SLC22A23: variants seen among roughly 807,000 people sequenced by gnomAD.
SLC22A23 encodes ion transporter protein.
SLC22A23 carries 26 observed loss-of-function variants against 61.0 expected under a neutral mutation model. The ratio of observed to expected loss-of-function variants is 0.43; its 90% CI spans 0.31 to 0.59. The LOEUF (loss-of-function observed/expected upper bound fraction) is 0.59. SLC22A23 is among the 20% of genes least tolerant of loss of function. The probability of loss-of-function intolerance (pLI) is 0.11; values close to 1 mark genes in which losing one functional copy is unlikely to be tolerated. For missense variants in SLC22A23, 796 were observed against 934.7 expected (o/e 0.85, Z 1.94); for synonymous variants, 430 against 413.9 (o/e 1.04, Z -0.47).
In SLC22A23 at chr6:3,342,486, G is replaced by C. The variant is rs576450178; in HGVS notation, c.914-18484C>G. On this transcript the variant is annotated intron_variant, in intron 3 of 9. Transcript: ENST00000406686. The surrounding 1 kb of genome is among the most constrained non-coding windows in gnomAD (Gnocchi z 4.0). ...CTCTTTCTCTCTCCCAGTCTGCAGA[G>C]GTCCCTGAAAACAGTGCTTCTCAAA... Among the ~76,000 whole-genome samples, 1 of 152,220 alleles carries C rather than the reference G, an allele frequency of 6.6e-6. No individual in the cohort carries two copies. The highest frequency in any genetic ancestry group is 2.1e-4 in the South Asian group (1 of 4,814).
At chr6:3,401,346 A>G (rs1021111802) in intron 3 of SLC22A23, among the ~76,000 whole-genome samples, 1 of 152,214 alleles carries the variant, frequency 6.6e-6, no homozygotes, top group African/African-American at 2.4e-5. Flanking sequence ...TCAAAACAAA[A>G]ACAAAAACAA....
At chr6:3,361,031 T>G (rs1765405622) in intron 3 of SLC22A23, among the ~76,000 whole-genome samples, 1 of 150,954 alleles carries the variant, frequency 6.6e-6, no homozygotes, top group African/African-American at 2.4e-5. Context: ...TATATTCCTG[T>G]TGTTTGTATA....
intron 4 of SLC22A23, chr6:3,323,606 G>A (rs970369615): frequency 8.4e-6 from 5 of 597,566 alleles, no homozygotes; most frequent in Non-Finnish European, 1.2e-5. Flanking sequence ...TTTTGGAGCT[G>A]GGTGATGGGC....
chr6:3,319,808 G>T (rs959618473), intron 4 of SLC22A23, among the ~76,000 whole-genome samples: 1 of 152,198 alleles, frequency 6.6e-6, no homozygotes. Flanking sequence ...GGACCCTGAG[G>T]GGTCCAATGA....
chr6:3,283,887 C>G lies in SLC22A23; in HGVS notation c.1668G>C (p.Val556=). 1 of 1,613,142 alleles carries G rather than the reference C, an allele frequency of 6.2e-7. No individual in the cohort carries two copies. The highest frequency in any genetic ancestry group is 1.7e-5 in the Admixed American group (1 of 60,008). ...TCGGGGTGATCTCCGCACAGAAGAACACGCTGAGGCTCCCCACCGCATGGG... is the reference window on the plus strand; with the variant it reads ...TCGGGGTGATCTCCGCACAGAAGAAGACGCTGAGGCTCCCCACCGCATGGG... The part of the protein sequence containing the change: ...FASHAVGSLS[V]FFCAEITPTV... Residue 556 remains valine, a synonymous_variant, in exon 9 of 10, where the codon GTG becomes GTC. Transcript: ENST00000406686.
rs1485009471 is a variant in SLC22A23, at chr6:3,410,426, A to G, written c.759-84T>C. The G allele has an allele frequency of 7.0e-7, 1 of 1,420,456 alleles. No individual in the cohort carries two copies. Among genetic ancestry groups the G allele is most frequent in the Admixed American group, 2.3e-5 (1 of 42,818 alleles). The allele number at this position is 1,420,456 out of a possible 1,614,324, so 88.0% of individuals were successfully genotyped here. A position where few individuals can be genotyped will look rare whatever the true frequency, so the allele number is the denominator to read the frequency against. ...TGCTGAAACCCGGTGTCCAGCAGGCACTCAATATATGTTGAATGAGTACTG... is the reference window on the plus strand; with the variant it reads ...TGCTGAAACCCGGTGTCCAGCAGGCGCTCAATATATGTTGAATGAGTACTG... On this transcript the variant is annotated intron_variant, in intron 2 of 9. Coordinates refer to ENST00000406686, the MANE Select transcript of SLC22A23 (RefSeq NM_015482.2). The surrounding 1 kb of genome is among the most constrained non-coding windows in gnomAD (Gnocchi z 5.0).
At chr6:3,293,511 T>C (rs1760805957) in intron 5 of SLC22A23, among the ~76,000 whole-genome samples, 1 of 150,286 alleles carries the variant, frequency 6.7e-6, no homozygotes. Flanking sequence ...TATCACGAAG[T>C]CACCTCAGAC....
intron 3 of SLC22A23, among the ~76,000 whole-genome samples, chr6:3,406,926 A>G (rs1332140214): frequency 1.3e-5 from 2 of 152,180 alleles, no homozygotes; most frequent in East Asian, 1.9e-4. Context: ...AGTCAGCAGC[A>G]TTTCTCAAAA....
At chr6:3,418,047 A>G (rs1428136087) in intron 1 of SLC22A23, among the ~76,000 whole-genome samples, 1 of 152,254 alleles carries the variant, frequency 6.6e-6, no homozygotes, top group Admixed American at 6.5e-5. Flanking sequence ...CATAAATCAC[A>G]GTGGGTGCAC....
At position 3,317,092 on chromosome 6, in the gene SLC22A23, C is replaced by T. The variant is rs114081417; in HGVS notation, c.1082+6742G>A. ...CTTGAGATAAACACCACATGGCAGC[C>T]TCTCCAACAGCCTTCTCCCTCCCTT... On this transcript the variant is annotated intron_variant, in intron 4 of 9. Transcript: ENST00000406686. This position sits in a 1 kb window ranked among gnomAD's most constrained non-coding sequence, Gnocchi z 4.4. Among the ~76,000 whole-genome samples, 445 of 152,336 alleles carry T rather than the reference C, an allele frequency of 2.9e-3. No individual in the cohort carries two copies. The highest frequency in any genetic ancestry group is 4.4e-3 in the Non-Finnish European group (302 of 68,032).
Position 3,286,789 on chromosome 6 carries a change from C to T in SLC22A23, c.1546+70G>A, listed in dbSNP as rs945855924. 4 of 1,310,666 alleles carry T rather than the reference C, an allele frequency of 3.1e-6. No individual in the cohort carries two copies. The South Asian group carries it at 3.8e-5, about 13-fold the overall frequency. 81.2% of individuals were successfully genotyped at this position (1,310,666 alleles called of 1,614,324 possible). A position where few individuals can be genotyped will look rare whatever the true frequency, so the allele number is the denominator to read the frequency against. On this transcript the variant is annotated intron_variant, in intron 7 of 9. Coordinates refer to ENST00000406686, the MANE Select transcript of SLC22A23 (RefSeq NM_015482.2). This position sits in a 1 kb window ranked among gnomAD's most constrained non-coding sequence, Gnocchi z 4.2. ...AGTGGCCAGCGGAGTCTTATGCAGCCCTTTCAAATGCCCTTGGGGATCTGC... is the reference window on the plus strand; with the variant it reads ...AGTGGCCAGCGGAGTCTTATGCAGCTCTTTCAAATGCCCTTGGGGATCTGC...
At chr6:3,314,011 A>G (rs1159030385) in intron 4 of SLC22A23, among the ~76,000 whole-genome samples, 1 of 152,228 alleles carries the variant, frequency 6.6e-6, no homozygotes, top group Non-Finnish European at 1.5e-5. Context: ...CCTGCGCAAT[A>G]AGAGCAGAAC....
chr6:3,272,891 C>G lies in SLC22A23; in HGVS notation c.*164G>C, dbSNP rs1003367356. ...TCCAAAGAGTTTGTCTCCTCCGACCCGCGCTCCTTGGACTTTTGGAAAGAC... is the reference window on the plus strand; with the variant it reads ...TCCAAAGAGTTTGTCTCCTCCGACCGGCGCTCCTTGGACTTTTGGAAAGAC... On this transcript the variant is annotated 3_prime_UTR_variant, in exon 10 of 10. Transcript: ENST00000406686. The G allele has an allele frequency of 1.6e-6, 1 of 610,028 alleles. No individual in the cohort carries two copies. Among genetic ancestry groups the G allele is most frequent in the African/African-American group, 1.9e-5 (1 of 53,708 alleles). The allele number at this position is 610,028 out of a possible 1,614,324, so 37.8% of individuals were successfully genotyped here.
At chr6:3,344,737 G>T (rs1017846608) in intron 3 of SLC22A23, among the ~76,000 whole-genome samples, 1 of 152,204 alleles carries the variant, frequency 6.6e-6, no homozygotes, top group Non-Finnish European at 1.5e-5. Flanking sequence ...TAAGCGTTAG[G>T]CAATCACGAA....
chr6:3,444,386 T>G (rs1771772837), intron 1 of SLC22A23, among the ~76,000 whole-genome samples: 1 of 152,212 alleles, frequency 6.6e-6, no homozygotes, highest in Non-Finnish European at 1.5e-5. Flanking sequence ...CCCCAGCCCT[T>G]TCTCCAGTTT....
At chr6:3,300,722 C>T (rs528325057) in intron 4 of SLC22A23, among the ~76,000 whole-genome samples, 2 of 152,310 alleles carry the variant, frequency 1.3e-5, no homozygotes, top group Admixed American at 6.5e-5. Context: ...ATAATTACTG[C>T]CTCCTTCATA....
chr6:3,323,446 G>T, intron 4 of SLC22A23: 1 of 422,190 alleles, frequency 2.4e-6, no homozygotes. Context: ...GGGGACTTTT[G>T]TAAATCACTC....
chr6:3,333,104 G>A lies in SLC22A23; in HGVS notation c.914-9102C>T, dbSNP rs997440758. ...CTGACCCATGGAGCAAAGCGGCGGC[G>A]CCTCAGCCTCCCATCCTAGAGTTGT... is the stretch of plus-strand genomic sequence containing the variant. On this transcript the variant is annotated intron_variant, in intron 3 of 9. Coordinates refer to ENST00000406686, the MANE Select transcript of SLC22A23 (RefSeq NM_015482.2). This position sits in a 1 kb window ranked among gnomAD's most constrained non-coding sequence, Gnocchi z 4.1. Among the ~76,000 whole-genome samples the A allele has an allele frequency of 2.0e-5, 3 of 152,172 alleles. No individual in the cohort carries two copies. Among genetic ancestry groups the A allele is most frequent in the Non-Finnish European group, 2.9e-5 (2 of 68,030 alleles).
chr6:3,446,093 C>T (rs1218618433), intron 1 of SLC22A23, among the ~76,000 whole-genome samples: 1 of 152,188 alleles, frequency 6.6e-6, no homozygotes, highest in Non-Finnish European at 1.5e-5. Context: ...CACAGCTGAA[C>T]TGTCCAGAAA....
Sources: gnomAD v4.1 joint callset for allele counts (sites outside exome capture counted in the v4.1 genomes callset) on GRCh38, gnomAD v4.1.1 for gene constraint, Gnocchi (gnomAD v3.1) non-coding constraint, MANE v1.5 for transcripts, NCBI Gene and HGNC (gene_info 2026-07-23, HGNC 2026-07-21) for gene names.